The following SUGCT variants were observed in gnomAD, a reference collection of about 807,000 sequenced individuals.
The protein encoded by SUGCT is succinyl-CoA:glutarate-CoA transferase.
A neutral mutation model predicts 55.0 loss-of-function variants in SUGCT; 41 were observed. The observed-to-expected ratio is 0.74, with a 90% CI of 0.58 to 0.97. The LOEUF (loss-of-function observed/expected upper bound fraction) is 0.97. Among genes scored for constraint, SUGCT ranks in the 50% least tolerant of loss-of-function variants. The probability of loss-of-function intolerance (pLI) is 0.00; values close to 1 mark genes in which losing one functional copy is unlikely to be tolerated. For synonymous variants in SUGCT, 187 were observed against 200.4 expected, an observed-to-expected ratio of 0.93 and a Z score of 0.56; for missense variants, 568 against 547.8, an observed-to-expected ratio of 1.04 and a Z score of -0.37.
chr7:40,813,329 T>C (rs923764848), intron 13 of SUGCT, among the ~76,000 whole-genome samples: 1 of 152,212 alleles, frequency 6.6e-6, no homozygotes, highest in African/African-American at 2.4e-5. Flanking sequence ...CCCACTATTA[T>C]TGTGTGGCTG....
intron 12 of SUGCT, among the ~76,000 whole-genome samples, chr7:40,737,785 G>T (rs992377601): frequency 6.6e-6 from 1 of 152,150 alleles, no homozygotes; most frequent in Non-Finnish European, 1.5e-5. Flanking sequence ...TTAGCCAGGG[G>T]TGGTGGCGGG....
chr7:40,881,943 A>C, the SUGCT span, among the ~76,000 whole-genome samples: 5 of 152,232 alleles, frequency 3.3e-5, no homozygotes, highest in Non-Finnish European at 5.9e-5. Context: ...GAAGAGGGTC[A>C]TTTGGTTTGC....
At chr7:40,785,954 C>G (rs1199772823) in intron 13 of SUGCT, among the ~76,000 whole-genome samples, 1 of 151,992 alleles carries the variant, frequency 6.6e-6, no homozygotes, top group Non-Finnish European at 1.5e-5. Context: ...ATTTAATTAG[C>G]TAATGGTGGT....
chr7:40,345,259 T>C (rs1797250564), intron 9 of SUGCT, among the ~76,000 whole-genome samples: 1 of 152,196 alleles, frequency 6.6e-6, no homozygotes, highest in South Asian at 2.1e-4. Flanking sequence ...GGGAAGAATG[T>C]ATCCAGATGA....
chr7:40,195,650 T>C (rs1786220682), intron 6 of SUGCT, among the ~76,000 whole-genome samples: 2 of 152,090 alleles, frequency 1.3e-5, no homozygotes, highest in African/African-American at 4.8e-5. Flanking sequence ...GTTTTGCAAA[T>C]GTTTACAAAA....
chr7:40,258,382 A>AT (rs1416445436), intron 7 of SUGCT, among the ~76,000 whole-genome samples: 4 of 151,798 alleles, frequency 2.6e-5, no homozygotes, highest in African/African-American at 9.7e-5. Flanking sequence ...TATGTTTTTA[A>AT]TTTTTTTTCT....
intron 9 of SUGCT, among the ~76,000 whole-genome samples, chr7:40,421,362 C>T (rs1171487055): frequency 1.3e-5 from 2 of 152,122 alleles, no homozygotes; most frequent in Admixed American, 6.6e-5. Context: ...TACCCCACCT[C>T]TTGCCTCATT....
intron 12 of SUGCT, among the ~76,000 whole-genome samples, chr7:40,664,464 C>A (rs1394485852): frequency 2.0e-5 from 3 of 152,108 alleles, no homozygotes; most frequent in African/African-American, 7.2e-5. Context: ...AGGAGCATAA[C>A]CCAGACCACT....
intron 9 of SUGCT, among the ~76,000 whole-genome samples, chr7:40,410,757 A>G (rs552787572): frequency 9.8e-5 from 15 of 152,292 alleles, no homozygotes; most frequent in South Asian, 2.1e-4. Context: ...AGTGAATGAA[A>G]ATTTGTCTGG....
intron 12 of SUGCT, among the ~76,000 whole-genome samples, chr7:40,526,485 G>T (rs1793805370): frequency 1.3e-5 from 2 of 152,140 alleles, no homozygotes; most frequent in Admixed American, 1.3e-4. Flanking sequence ...TTAAAACACA[G>T]ATTACTGGAC....
At chr7:40,243,292 T>C (rs999010632) in intron 7 of SUGCT, among the ~76,000 whole-genome samples, 1 of 151,966 alleles carries the variant, frequency 6.6e-6, no homozygotes. Context: ...TCAAGAAGAA[T>C]TATACTGAGC....
At chr7:41,020,381 G>A in the SUGCT span, among the ~76,000 whole-genome samples, 1 of 152,086 alleles carries the variant, frequency 6.6e-6, no homozygotes, top group Non-Finnish European at 1.5e-5. Flanking sequence ...AACTAAACCT[G>A]GAAACAAGAA....
chr7:40,674,387 G>T (rs1048167876), intron 12 of SUGCT, among the ~76,000 whole-genome samples: 1 of 152,182 alleles, frequency 6.6e-6, no homozygotes, highest in Admixed American at 6.5e-5. Flanking sequence ...AGGGATTTCA[G>T]TTCAAAATGG....
At chr7:40,917,150 T>A in the SUGCT span, among the ~76,000 whole-genome samples, 1 of 152,352 alleles carries the variant, frequency 6.6e-6, no homozygotes, top group Admixed American at 6.5e-5. Context: ...TGAGAAGCAT[T>A]AGCTCCCCAT....
chr7:40,259,835 A>G (rs1311382747), intron 7 of SUGCT, among the ~76,000 whole-genome samples: 1 of 152,182 alleles, frequency 6.6e-6, no homozygotes, highest in East Asian at 1.9e-4. Flanking sequence ...TTAATATTTT[A>G]AACACTTTCA....
chr7:40,135,199 A>G (rs1203775022), intron 1 of SUGCT, 79 bp downstream of exon 1: 16 of 1,454,746 alleles, frequency 1.1e-5, no homozygotes, highest in South Asian at 1.4e-5. Flanking sequence ...GAGGAGAGCA[A>G]TTAGGGTCTG....
At chr7:41,018,414 G>T in the SUGCT span, among the ~76,000 whole-genome samples, 3 of 152,128 alleles carry the variant, frequency 2.0e-5, no homozygotes, top group Admixed American at 6.5e-5. Context: ...TAGCAAAATG[G>T]AGGGAAAGGT....
At chr7:40,981,221 G>A in the SUGCT span, among the ~76,000 whole-genome samples, 1 of 152,182 alleles carries the variant, frequency 6.6e-6, no homozygotes, top group Non-Finnish European at 1.5e-5. Flanking sequence ...CCCTGATGAA[G>A]TCTGAATTGT....
chr7:40,832,488 G>GT (rs1339781985), intron 13 of SUGCT, among the ~76,000 whole-genome samples: 2 of 151,548 alleles, frequency 1.3e-5, no homozygotes, highest in African/African-American at 4.9e-5. Flanking sequence ...TTAAGAGAAG[G>GT]ATAGCTATAA....
Sources: gnomAD v4.1 joint callset for allele counts (sites outside exome capture counted in the v4.1 genomes callset) on GRCh38, gnomAD v4.1.1 for gene constraint, MANE v1.5 for transcripts, NCBI Gene and HGNC (gene_info 2026-07-23, HGNC 2026-07-21) for gene names.